The following CPQ variants were observed in gnomAD, a reference collection of about 807,000 sequenced individuals.
CPQ encodes the protein Ser-Met dipeptidase.
A neutral mutation model predicts 45.7 loss-of-function variants in CPQ; 37 were observed. The observed-to-expected ratio is 0.81, with a 90% CI of 0.62 to 1.07. The LOEUF (loss-of-function observed/expected upper bound fraction) is 1.07, where lower values mean the gene tolerates loss of function less well. CPQ is among the 50% of genes least tolerant of loss of function. The pLI is 0.00. For synonymous variants in CPQ, 186 were observed against 205.8 expected, an observed-to-expected ratio of 0.90 and a Z score of 0.82; for missense variants, 537 against 572.9, an observed-to-expected ratio of 0.94 and a Z score of 0.64.
At chr8:96,665,363 T>G (rs1441079979) in intron 1 of CPQ, among the ~76,000 whole-genome samples, 1 of 152,176 alleles carries the variant, frequency 6.6e-6, no homozygotes, top group Non-Finnish European at 1.5e-5. Context: ...ATAAACAATG[T>G]GTTGGTAGGA....
rs570779896 is a variant in CPQ, at chr8:96,656,858, C to T, written c.-35+11456C>T. ...TAGAGCCATCACCAAAATTTGCACA[C>T]TGGTCCCTGTGAGCTCTGCCTCCTT... is the stretch of plus-strand genomic sequence containing the variant. On this transcript the variant is annotated intron_variant, in intron 1 of 7. Coordinates refer to ENST00000220763, the MANE Select transcript of CPQ (RefSeq NM_016134.4). Among the ~76,000 whole-genome samples, 6 of 152,302 alleles carry T rather than the reference C, an allele frequency of 3.9e-5. No individual in the cohort carries two copies. In the South Asian group the frequency reaches 1.2e-3, roughly 32 times the overall value.
At chr8:96,936,675 A>C (rs990324688) in intron 4 of CPQ, among the ~76,000 whole-genome samples, 1 of 152,204 alleles carries the variant, frequency 6.6e-6, no homozygotes, top group Non-Finnish European at 1.5e-5. Context: ...GATATTTGGA[A>C]AGTATATGAA....
At chr8:96,770,280 A>G (rs1224815322) in intron 1 of CPQ, among the ~76,000 whole-genome samples, 1 of 152,144 alleles carries the variant, frequency 6.6e-6, no homozygotes, top group Non-Finnish European at 1.5e-5. Flanking sequence ...GATTCCCTCT[A>G]GGAAGGAATC....
In CPQ at chr8:97,096,703, T is replaced by C. The variant is rs535544030; in HGVS notation, c.1255+30493T>C. Among the ~76,000 whole-genome samples, 3 of 152,332 alleles carry C rather than the reference T, an allele frequency of 2.0e-5. No homozygotes were observed. The South Asian group carries it at 6.2e-4, about 32-fold the overall frequency. ...ATGGAACAACCACCTCTTATTACTC[T>C]GCTTTATGGCAAAGGAGTAAGATGA... On this transcript the variant is annotated intron_variant, in intron 7 of 7. Transcript: ENST00000220763.
chr8:96,781,898 A>G (rs974194501), intron 1 of CPQ, among the ~76,000 whole-genome samples: 1 of 152,188 alleles, frequency 6.6e-6, no homozygotes, highest in African/African-American at 2.4e-5. Flanking sequence ...CCAAAACCCA[A>G]TGGGGACAAC....
chr8:97,033,831 G>A (rs1304724075), intron 6 of CPQ, among the ~76,000 whole-genome samples: 1 of 151,638 alleles, frequency 6.6e-6, no homozygotes, highest in Non-Finnish European at 1.5e-5. Flanking sequence ...ATCAGTTTGT[G>A]GAATAATGAA....
intron 6 of CPQ, among the ~76,000 whole-genome samples, chr8:97,042,016 GAT>G: frequency 6.6e-6 from 1 of 152,114 alleles, no homozygotes; most frequent in Non-Finnish European, 1.5e-5. Context: ...AGTTAGGGAG[GAT>G]TCCCTCTTTT....
chr8:96,869,535 C>T (rs1812038911), intron 3 of CPQ, among the ~76,000 whole-genome samples: 1 of 152,048 alleles, frequency 6.6e-6, no homozygotes, highest in Non-Finnish European at 1.5e-5. Context: ...GTGCCTTGCA[C>T]ATGGTAACTA....
intron 1 of CPQ, among the ~76,000 whole-genome samples, chr8:96,754,402 A>T (rs1810303894): frequency 6.6e-6 from 1 of 151,744 alleles, no homozygotes; most frequent in Non-Finnish European, 1.5e-5. Flanking sequence ...TTTCCACAGA[A>T]CCCTCTTTGG....
intron 7 of CPQ, chr8:97,092,541 T>C (rs971710533): frequency 6.6e-6 from 1 of 152,162 alleles, no homozygotes; most frequent in Non-Finnish European, 1.5e-5. Flanking sequence ...ATCTGATCTT[T>C]GGCAAAGCCA....
chr8:96,720,316 G>A (rs2130762081), intron 1 of CPQ, among the ~76,000 whole-genome samples: 1 of 152,052 alleles, frequency 6.6e-6, no homozygotes, highest in South Asian at 2.1e-4. Flanking sequence ...TTTCTTTGTG[G>A]ATCTAGTCAT....
Position 97,122,966 on chromosome 8 carries a change from TAAAATA to T in CPQ, c.1256-20050_1256-20045del, listed in dbSNP as rs1171717882. Reference sequence around the variant, plus strand: ...TAAAATAAAATAAAATAAAATAAAATAAAATAAAATAAAATTAAAATAAAATAAAAT... The same window carrying T: ...TAAAATAAAATAAAATAAAATAAAATAAATAAAATTAAAATAAAATAAAAT... On this transcript the variant is annotated intron_variant, in intron 7 of 7. Coordinates refer to ENST00000220763, the MANE Select transcript of CPQ (RefSeq NM_016134.4). Among the ~76,000 whole-genome samples, 413 of 57,370 alleles carry T rather than the reference TAAAATA, an allele frequency of 7.2e-3. 11 individuals carry two copies. Among genetic ancestry groups the T allele is most frequent in the Non-Finnish European group, 8.9e-3 (323 of 36,474 alleles). 37.6% of individuals were successfully genotyped at this position (57,370 alleles called of 152,430 possible).
At chr8:96,967,995 A>C (rs1289589672) in intron 5 of CPQ, among the ~76,000 whole-genome samples, 2 of 152,252 alleles carry the variant, frequency 1.3e-5, no homozygotes, top group Non-Finnish European at 2.9e-5. Flanking sequence ...GTTAACTTTT[A>C]TAACTTAACT....
intron 3 of CPQ, among the ~76,000 whole-genome samples, chr8:96,868,740 T>C (rs1456299895): frequency 6.6e-6 from 1 of 152,024 alleles, no homozygotes; most frequent in Non-Finnish European, 1.5e-5. Flanking sequence ...TATAAAACTT[T>C]ATATTGCTTA....
intron 1 of CPQ, among the ~76,000 whole-genome samples, chr8:96,743,427 T>C (rs1810125202): frequency 6.6e-6 from 1 of 152,160 alleles, no homozygotes; most frequent in Non-Finnish European, 1.5e-5. Context: ...TTGAATGTCC[T>C]CCCATAGCTT....
intron 7 of CPQ, among the ~76,000 whole-genome samples, chr8:97,099,671 T>C (rs1359369627): frequency 2.0e-5 from 3 of 152,134 alleles, no homozygotes; most frequent in Non-Finnish European, 4.4e-5. Flanking sequence ...GGAAAATATA[T>C]TAATGAGCAC....
chr8:96,736,870 C>T (rs907728443), intron 1 of CPQ, among the ~76,000 whole-genome samples: 3 of 152,108 alleles, frequency 2.0e-5, no homozygotes, highest in Non-Finnish European at 4.4e-5. Context: ...GTAGTTCATA[C>T]TTTCCTAGGA....
intron 5 of CPQ, among the ~76,000 whole-genome samples, chr8:96,997,059 T>C (rs890181551): frequency 1.3e-5 from 2 of 152,012 alleles, no homozygotes; most frequent in African/African-American, 2.4e-5. Context: ...GCCTTTCATC[T>C]GGGATCTTCT....
chr8:96,806,879 AG>A (rs1811086337), intron 2 of CPQ, among the ~76,000 whole-genome samples: 1 of 152,188 alleles, frequency 6.6e-6, no homozygotes. Context: ...CAAATATTTG[AG>A]GGGGTGGATA....
Sources: allele counts gnomAD v4.1 joint callset (sites outside exome capture counted in the v4.1 genomes callset), GRCh38; gene constraint gnomAD v4.1.1; transcripts MANE v1.5; gene names NCBI Gene and HGNC (gene_info 2026-07-23, HGNC 2026-07-21).